The following SPIN1 variants were observed in gnomAD, a reference collection of about 807,000 sequenced individuals.
SPIN1 encodes spindlin-1.
In SPIN1, 3 loss-of-function variants were observed where a neutral mutation model predicts 26.0. That is an observed-to-expected ratio of 0.12 (90% confidence interval 0.05 to 0.30). The LOEUF is 0.30. Ranked by LOEUF, SPIN1 falls within the 10% of genes least tolerant of loss-of-function variation. The pLI is 1.00. For synonymous variants in SPIN1, 101 were observed against 116.5 expected (o/e 0.87, Z 0.86); for missense variants, 126 against 333.4 (o/e 0.38, Z 4.84).
chr9:88,437,017 G>A (rs1056502668), intron 2 of SPIN1, among the ~76,000 whole-genome samples: 1 of 151,632 alleles, frequency 6.6e-6, no homozygotes, highest in Non-Finnish European at 1.5e-5. Context: ...CGCCCGCCTC[G>A]GCCTCCCAAA....
chr9:88,391,063 G>A (rs1826911691), intron 1 of SPIN1, among the ~76,000 whole-genome samples: 1 of 152,062 alleles, frequency 6.6e-6, no homozygotes, highest in African/African-American at 2.4e-5. Flanking sequence ...GAACTCTTGG[G>A]TTGGGCTTCA....
chr9:88,446,408 G>GTTTTTTTT (rs372052401), intron 2 of SPIN1, among the ~76,000 whole-genome samples: 1 of 129,884 alleles, frequency 7.7e-6, no homozygotes, highest in Non-Finnish European at 1.6e-5. Flanking sequence ...TTGGTTTGCT[G>GTTTTTTTT]TTTTTTTTTT....
intron 1 of SPIN1, among the ~76,000 whole-genome samples, chr9:88,392,670 A>G (rs546173124): frequency 4.6e-5 from 7 of 150,858 alleles, no homozygotes; most frequent in African/African-American, 1.7e-4. Flanking sequence ...CTACCTAGCT[A>G]CTATTTTCTA....
chr9:88,475,399 C>T lies in SPIN1; in HGVS notation c.*122C>T. ...TGTCCCTGCGAACCCACAATCTCTG[C>T]CAGCAGAACTGGTTTTGTTCTGAAT... On this transcript the variant is annotated 3_prime_UTR_variant, in exon 6 of 6. Transcript: ENST00000375859. The T allele has an allele frequency of 2.0e-6, 2 of 988,404 alleles. No individual in the cohort carries two copies. The highest frequency in any genetic ancestry group is 1.6e-5 in the African/African-American group (1 of 61,292). 61.2% of individuals were successfully genotyped at this position (988,404 alleles called of 1,614,324 possible).
intron 3 of SPIN1, chr9:88,458,095 AT>A (rs1324549920): frequency 1.6e-6 from 1 of 640,854 alleles, no homozygotes; most frequent in Non-Finnish European, 1.9e-6. Flanking sequence ...TTTAGGTATA[AT>A]ATATGCAAAG....
chr9:88,398,013 C>T (rs1388617791), intron 1 of SPIN1, among the ~76,000 whole-genome samples: 1 of 151,788 alleles, frequency 6.6e-6, no homozygotes, highest in African/African-American at 2.4e-5. Context: ...CCTCGACCTT[C>T]CCGGACTCAG....
chr9:88,426,108 C>T (rs975150277), intron 1 of SPIN1, among the ~76,000 whole-genome samples: 5 of 152,174 alleles, frequency 3.3e-5, no homozygotes, highest in African/African-American at 1.2e-4. Context: ...TGTCAGACAG[C>T]AGCTGTATTG....
chr9:88,445,245 A>G (rs1828222498), intron 2 of SPIN1, among the ~76,000 whole-genome samples: 1 of 151,182 alleles, frequency 6.6e-6, no homozygotes, highest in South Asian at 2.1e-4. Flanking sequence ...ATCCTTGTCT[A>G]CTCTAAGCCC....
chr9:88,448,932 C>T lies in SPIN1; in HGVS notation c.53-9C>T, dbSNP rs759161029. 10 of 1,613,112 alleles carry T rather than the reference C, an allele frequency of 6.2e-6. No homozygotes were observed. In the South Asian group the frequency reaches 9.9e-5, roughly 16 times the overall value. Reference sequence around the variant, plus strand: ...GTTTTCATTGACTATATACTCATCTCTCTTACAGGCCATGCTGGAGTATCT... The same window carrying T: ...GTTTTCATTGACTATATACTCATCTTTCTTACAGGCCATGCTGGAGTATCT... On this transcript the variant is annotated splice_polypyrimidine_tract_variant and intron_variant, in intron 2 of 5. Coordinates refer to ENST00000375859, the MANE Select transcript of SPIN1 (RefSeq NM_006717.3).
chr9:88,475,139 A>G lies in SPIN1; in HGVS notation c.651A>G (p.Gln217=), dbSNP rs758210325. 2 of 1,612,354 alleles carry G rather than the reference A, an allele frequency of 1.2e-6. No individual in the cohort carries two copies. Among genetic ancestry groups the G allele is most frequent in the African/African-American group, 2.7e-5 (2 of 74,264 alleles). ...TTGTGGACAGCCTGGTAGGCAAACA[A>G]GTGGAATATGCCAAAGAAGATGGCT... is the stretch of plus-strand genomic sequence containing the variant. ...GEVVDSLVGK[Q]VEYAKEDGSK... Residue 217 remains glutamine (Q), a synonymous_variant, in exon 6 of 6, where the codon CAA becomes CAG. Coordinates refer to ENST00000375859, the MANE Select transcript of SPIN1 (RefSeq NM_006717.3).
chr9:88,443,335 C>T (rs1249494982), intron 2 of SPIN1, among the ~76,000 whole-genome samples: 1 of 152,046 alleles, frequency 6.6e-6, no homozygotes, highest in Non-Finnish European at 1.5e-5. Context: ...TTAGTCCTGT[C>T]CAGTCTACTA....
Position 88,426,537 on chromosome 9 carries a change from T to A in SPIN1, c.-3T>A. On this transcript the variant is annotated 5_prime_UTR_variant, in exon 2 of 6. An upstream start codon of the reference 5' UTR is lost. Coordinates refer to ENST00000375859, the MANE Select transcript of SPIN1 (RefSeq NM_006717.3). ...GCTCCGCTGCTCACTTAAATACAGA[T>A]GAATGAAGACCCCATTCGGAAAGAC... 1 of 1,613,416 alleles carries A rather than the reference T, an allele frequency of 6.2e-7. No homozygotes were observed. The highest frequency in any genetic ancestry group is 8.5e-7 in the Non-Finnish European group (1 of 1,179,524).
intron 1 of SPIN1, among the ~76,000 whole-genome samples, chr9:88,425,247 A>C (rs1827742497): frequency 1.3e-5 from 2 of 152,144 alleles, no homozygotes; most frequent in African/African-American, 4.8e-5. Flanking sequence ...TTGATGTGGC[A>C]GCTGGATAGG....
At chr9:88,418,342 A>G (rs1827608087) in intron 1 of SPIN1, among the ~76,000 whole-genome samples, 1 of 152,234 alleles carries the variant, frequency 6.6e-6, no homozygotes, top group Non-Finnish European at 1.5e-5. Context: ...ATGGAAGAAC[A>G]AAGTATATAT....
At chr9:88,455,745 A>C (rs958136974) in intron 3 of SPIN1, among the ~76,000 whole-genome samples, 2 of 152,156 alleles carry the variant, frequency 1.3e-5, no homozygotes, top group South Asian at 2.1e-4. Context: ...TGGGAGGCCA[A>C]GGTGGGAGGA....
intron 2 of SPIN1, among the ~76,000 whole-genome samples, chr9:88,446,079 G>A (rs1828245150): frequency 1.3e-5 from 2 of 152,070 alleles, no homozygotes; most frequent in African/African-American, 2.4e-5. Flanking sequence ...TGAGAAAAGA[G>A]AGTTGTATAA....
At chr9:88,411,216 G>A in intron 1 of SPIN1, 2 of 1,198,596 alleles carry the variant, frequency 1.7e-6, no homozygotes, top group Admixed American at 1.7e-5. Context: ...GGTTCCACAA[G>A]TCTTCTGTTC....
chr9:88,434,976 C>G (rs919439177), intron 2 of SPIN1, among the ~76,000 whole-genome samples: 44 of 150,446 alleles, frequency 2.9e-4, no homozygotes, highest in African/African-American at 1.0e-3. Flanking sequence ...TATCTGAACC[C>G]GGGAGGCGGA....
Position 88,408,958 on chromosome 9 carries a change from G to A in SPIN1, c.-158-17424G>A, listed in dbSNP as rs1404653547. On this transcript the variant is annotated intron_variant, in intron 1 of 5. Coordinates refer to ENST00000375859, the MANE Select transcript of SPIN1 (RefSeq NM_006717.3). ...ATTACAGGCGTGAGCCACAGCGCCCGGCCCTTTTGTGTTTGTGTGTGTTTG... is the reference window on the plus strand; with the variant it reads ...ATTACAGGCGTGAGCCACAGCGCCCAGCCCTTTTGTGTTTGTGTGTGTTTG... Among the ~76,000 whole-genome samples the A allele has an allele frequency of 6.3e-5, 9 of 143,326 alleles. No homozygotes were observed. The East Asian group carries it at 1.6e-3, about 25-fold the overall frequency. The allele number at this position is 143,326 out of a possible 152,430, so 94.0% of individuals were successfully genotyped here. A position where few individuals can be genotyped will look rare whatever the true frequency, so the allele number is the denominator to read the frequency against.
Sources: allele counts gnomAD v4.1 joint callset (sites outside exome capture counted in the v4.1 genomes callset), GRCh38; gene constraint gnomAD v4.1.1; transcripts MANE v1.5; gene names NCBI Gene and HGNC (gene_info 2026-07-23, HGNC 2026-07-21).